DUSP16: variants seen among roughly 807,000 people sequenced by gnomAD.
The protein encoded by DUSP16 is dual specificity phosphatase 16.
DUSP16 carries 21 observed loss-of-function variants against 58.3 expected under a neutral mutation model. The observed-to-expected ratio is 0.36, with a 90% CI of 0.26 to 0.52. DUSP16 has a LOEUF of 0.52. Among genes scored for constraint, DUSP16 ranks in the 20% least tolerant of loss-of-function variants. DUSP16 has a pLI of 0.94. For synonymous variants in DUSP16, 320 were observed against 323.8 expected (o/e 0.99, Z 0.12); for missense variants, 726 against 819.0 (o/e 0.89, Z 1.39).
intron 4 of DUSP16, among the ~76,000 whole-genome samples, chr12:12,489,132 C>T (rs1943726679): frequency 6.6e-6 from 1 of 152,128 alleles, no homozygotes; most frequent in African/African-American, 2.4e-5. Context: ...ATTGTGTATG[C>T]AACCATCTCT....
intron 1 of DUSP16, among the ~76,000 whole-genome samples, chr12:12,531,290 A>G (rs1944380307): frequency 6.6e-6 from 1 of 152,226 alleles, no homozygotes; most frequent in African/African-American, 2.4e-5. Context: ...TCAAGCTCAC[A>G]ATAGTAATAT....
At chr12:12,533,452 T>C (rs1051905057) in intron 1 of DUSP16, among the ~76,000 whole-genome samples, 1 of 152,218 alleles carries the variant, frequency 6.6e-6, no homozygotes, top group South Asian at 2.1e-4. Flanking sequence ...GGACCACACC[T>C]GCTTCCAAGG....
At chr12:12,478,422 TC>T (rs1478351573) in intron 6 of DUSP16, among the ~76,000 whole-genome samples, 1 of 151,972 alleles carries the variant, frequency 6.6e-6, no homozygotes, top group Non-Finnish European at 1.5e-5. Context: ...AGCCTCGAAT[TC>T]CTGGGCACGT....
intron 6 of DUSP16, 59 bp downstream of exon 6, chr12:12,480,164 T>G (rs1442525252): frequency 6.3e-7 from 1 of 1,592,824 alleles, no homozygotes; most frequent in Non-Finnish European, 8.6e-7. Context: ...ATCCTCATCA[T>G]TCTTTATGTT....
chr12:12,515,778 C>CT (rs1011664600), intron 3 of DUSP16, among the ~76,000 whole-genome samples: 5 of 151,122 alleles, frequency 3.3e-5, no homozygotes, highest in African/African-American at 4.9e-5. Context: ...TAATAGAGAA[C>CT]TTTTTTTTTC....
At chr12:12,488,437 G>A (rs761065249) in intron 4 of DUSP16, among the ~76,000 whole-genome samples, 24 of 152,100 alleles carry the variant, frequency 1.6e-4, no homozygotes, top group African/African-American at 2.7e-4. Flanking sequence ...ATCTTGGACC[G>A]CGTCTTGTTT....
At chr12:12,550,796 C>T (rs1944713259) in intron 1 of DUSP16, among the ~76,000 whole-genome samples, 2 of 151,810 alleles carry the variant, frequency 1.3e-5, no homozygotes, top group Admixed American at 6.6e-5. Context: ...ATGTAGATGA[C>T]GGGCTGATGG....
At chr12:12,542,896 G>A (rs1944586624) in intron 1 of DUSP16, among the ~76,000 whole-genome samples, 1 of 152,018 alleles carries the variant, frequency 6.6e-6, no homozygotes, top group Non-Finnish European at 1.5e-5. Flanking sequence ...TAGGTCATGA[G>A]GTGGAGCCCT....
At chr12:12,514,060 AT>A (rs971576531) in intron 3 of DUSP16, among the ~76,000 whole-genome samples, 24 of 151,386 alleles carry the variant, frequency 1.6e-4, no homozygotes, top group African/African-American at 3.6e-4. Context: ...TAAGTTTCTT[AT>A]TTTTTTTTGA....
intron 1 of DUSP16, among the ~76,000 whole-genome samples, chr12:12,561,329 A>G (rs185908912): frequency 2.3e-4 from 35 of 152,354 alleles, no homozygotes; most frequent in Non-Finnish European, 4.1e-4. Flanking sequence ...AAACTTCTTT[A>G]GGATTTTGCA....
chr12:12,485,009 G>GT, intron 5 of DUSP16, among the ~76,000 whole-genome samples: 1 of 142,244 alleles, frequency 7.0e-6, no homozygotes, highest in African/African-American at 2.6e-5. Flanking sequence ...GTTTGTTTGT[G>GT]ATTTTTTTTT....
Position 12,562,758 on chromosome 12 carries a change from G to C in DUSP16, c.-1007C>G, listed in dbSNP as rs1488467037. 6.6e-6 allele frequency among the ~76,000 whole-genome samples: 1 copy of C among 151,394 alleles called. No homozygotes were observed. The highest frequency in any genetic ancestry group is 1.5e-5 in the Non-Finnish European group (1 of 67,730). On this transcript the variant is annotated 5_prime_UTR_variant, in exon 1 of 7. Transcript: ENST00000298573. ...CGGTGGGCGCCGGGCGGGGCCGCGC[G>C]CTCGCCCATCCCGCGGCCGCCCGAG...
intron 6 of DUSP16, 87 bp from the exon 7 acceptor site, chr12:12,478,102 T>C (rs1375860791): frequency 5.0e-6 from 6 of 1,196,222 alleles, no homozygotes; most frequent in Non-Finnish European, 7.1e-6. Flanking sequence ...GATAGGGAAT[T>C]ATCAGGCAGA....
chr12:12,552,469 G>A (rs1014633422), intron 1 of DUSP16, among the ~76,000 whole-genome samples: 1 of 151,890 alleles, frequency 6.6e-6, no homozygotes, highest in African/African-American at 2.4e-5. Flanking sequence ...TAAATAAAAA[G>A]CATTTACCAA....
chr12:12,556,947 C>A (rs1254253710), intron 1 of DUSP16, among the ~76,000 whole-genome samples: 1 of 152,070 alleles, frequency 6.6e-6, no homozygotes, highest in Non-Finnish European at 1.5e-5. Context: ...TGTATGTTCC[C>A]ATACAAAACA....
At chr12:12,517,150 C>T (rs980910415) in intron 3 of DUSP16, among the ~76,000 whole-genome samples, 2 of 152,246 alleles carry the variant, frequency 1.3e-5, no homozygotes, top group African/African-American at 2.4e-5. Context: ...TGTGGGGCCA[C>T]AATTCCTCAC....
chr12:12,479,717 TCACA>T (rs1231095449), intron 6 of DUSP16, among the ~76,000 whole-genome samples: 2 of 152,074 alleles, frequency 1.3e-5, no homozygotes, highest in South Asian at 2.1e-4. Flanking sequence ...CCAGTCAAAA[TCACA>T]CACACACAAT....
At chr12:12,507,337 C>T (rs1055784195) in intron 3 of DUSP16, among the ~76,000 whole-genome samples, 4 of 152,182 alleles carry the variant, frequency 2.6e-5, no homozygotes, top group African/African-American at 7.2e-5. Flanking sequence ...GGCCTTTCCA[C>T]TCATGCCTTC....
chr12:12,491,074 G>A (rs1943753825), intron 4 of DUSP16, among the ~76,000 whole-genome samples: 1 of 152,050 alleles, frequency 6.6e-6, no homozygotes. Context: ...AAGATGTGGG[G>A]AAAAGATGTC....
Sources: gnomAD v4.1 joint callset for allele counts (sites outside exome capture counted in the v4.1 genomes callset) on GRCh38, gnomAD v4.1.1 for gene constraint, MANE v1.5 for transcripts, NCBI Gene and HGNC (gene_info 2026-07-23, HGNC 2026-07-21) for gene names.